TLL2: variants seen among roughly 807,000 people sequenced by gnomAD.
TLL2 encodes tolloid like 2, also known as tolloid-like protein 2.
Under a neutral mutation model 123.0 loss-of-function variants are expected in TLL2, and 106 were observed. The ratio of observed to expected loss-of-function variants is 0.86; its 90% CI spans 0.74 to 1.01. The LOEUF is 1.01. TLL2 is among the 50% of genes least tolerant of loss of function. TLL2 has a pLI of 0.00. For synonymous variants in TLL2, 494 were observed against 516.8 expected (o/e 0.96, Z 0.60); for missense variants, 1,332 against 1,336.7 (o/e 1.00, Z 0.06).
Position 96,414,108 on chromosome 10 carries a change from G to T in TLL2, c.924-792C>A, listed in dbSNP as rs138709798. Among the ~76,000 whole-genome samples, 121 of 152,218 alleles carry T rather than the reference G, an allele frequency of 7.9e-4. 1 individual carries two copies. Among genetic ancestry groups the T allele is most frequent in the South Asian group, 5.2e-3 (25 of 4,810 alleles). ...GTGGAAATCAGGTTGCCAGCTGAGC[G>T]CTGGCCCTGTTGTGGGCATGGTTTA... is the stretch of plus-strand genomic sequence containing the variant. On this transcript the variant is annotated intron_variant, in intron 7 of 20. Transcript: ENST00000357947.
At chr10:96,380,744 G>T (rs1226477314) in intron 16 of TLL2, among the ~76,000 whole-genome samples, 1 of 143,620 alleles carries the variant, frequency 7.0e-6, no homozygotes, top group South Asian at 2.2e-4. Context: ...GAGAGGCCAG[G>T]CGTGGTGGCT....
intron 1 of TLL2, among the ~76,000 whole-genome samples, chr10:96,506,267 A>AAAAAAAAAAAAAAG (rs1564921517): frequency 6.2e-4 from 46 of 73,714 alleles, no homozygotes; most frequent in Non-Finnish European, 7.9e-4. Flanking sequence ...AAAAAAAAAG[A>AAAAAAAAAAAAAAG]AAAAAAAAAA....
chr10:96,392,704 G>T (rs1846300453), intron 13 of TLL2, among the ~76,000 whole-genome samples: 1 of 152,156 alleles, frequency 6.6e-6, no homozygotes, highest in Non-Finnish European at 1.5e-5. Context: ...CATGACATGT[G>T]GTAGGCAGAA....
At chr10:96,510,134 C>T (rs906514155) in intron 1 of TLL2, among the ~76,000 whole-genome samples, 5 of 152,190 alleles carry the variant, frequency 3.3e-5, no homozygotes, top group African/African-American at 1.2e-4. Context: ...GAACCTAGGC[C>T]TTCTGACTTG....
At chr10:96,491,002 C>T (rs1295025552) in intron 1 of TLL2, among the ~76,000 whole-genome samples, 2 of 152,154 alleles carry the variant, frequency 1.3e-5, no homozygotes, top group African/African-American at 4.8e-5. Context: ...TCTCTGTGTT[C>T]GACATGGCTG....
At chr10:96,504,293 G>A (rs1458085302) in intron 1 of TLL2, among the ~76,000 whole-genome samples, 3 of 152,180 alleles carry the variant, frequency 2.0e-5, no homozygotes, top group African/African-American at 7.2e-5. Flanking sequence ...GAGATTCATG[G>A]AAGATTTAAG....
intron 6 of TLL2, among the ~76,000 whole-genome samples, chr10:96,422,293 T>C (rs772996937): frequency 1.3e-5 from 2 of 151,968 alleles, no homozygotes; most frequent in Non-Finnish European, 2.9e-5. Context: ...TGGAGTTAGA[T>C]TTCAATGTCC....
chr10:96,404,294 G>T (rs1349297773), intron 10 of TLL2, among the ~76,000 whole-genome samples: 1 of 149,334 alleles, frequency 6.7e-6, no homozygotes, highest in Non-Finnish European at 1.5e-5. Context: ...AAGCTTTCTT[G>T]TTACACCACC....
chr10:96,371,087 C>T (rs868788497), intron 19 of TLL2, among the ~76,000 whole-genome samples: 6 of 152,156 alleles, frequency 3.9e-5, no homozygotes, highest in African/African-American at 7.2e-5. Flanking sequence ...TTTGGGAGGC[C>T]GAGACGGGTG....
In TLL2 at chr10:96,396,011, C is replaced by T. The variant is rs763102758; in HGVS notation, c.1394G>A (p.Gly465Glu). 2 of 1,614,080 alleles carry T rather than the reference C, an allele frequency of 1.2e-6. No individual in the cohort carries two copies. The highest frequency in any genetic ancestry group is 3.3e-5 in the Admixed American group (2 of 60,024). The stretch of plus-strand genomic sequence containing the variant: ...ACCGGCATCTTTGTTCATGTCTCCC[C>T]CGCAGGTAGCTTTAGAAAGAGACAT... The part of the protein sequence containing the change: ...GFFAAYEATC[G>E]GDMNKDAGQI... Residue 465 changes from glycine (G) to glutamate (E), a missense_variant, in exon 12 of 21, where the codon GGG (glycine) becomes GAG (glutamate). Physicochemically the swap from Gly to Glu is moderately conservative, Grantham distance 98. Coordinates refer to ENST00000357947, the MANE Select transcript of TLL2 (RefSeq NM_012465.4).
At chr10:96,412,184 G>A (rs757951821) in intron 8 of TLL2, among the ~76,000 whole-genome samples, 3 of 152,090 alleles carry the variant, frequency 2.0e-5, no homozygotes, top group Admixed American at 2.0e-4. Flanking sequence ...ATAGCTGGAC[G>A]GACATATTTT....
At chr10:96,388,281 A>G (rs1846256494) in intron 13 of TLL2, among the ~76,000 whole-genome samples, 1 of 152,054 alleles carries the variant, frequency 6.6e-6, no homozygotes, top group Non-Finnish European at 1.5e-5. Context: ...CATGCCTGTA[A>G]TCCCAGCTAC....
chr10:96,386,238 G>C lies in TLL2; in HGVS notation c.1853-23C>G. The C allele has an allele frequency of 2.6e-6, 4 of 1,535,252 alleles. No homozygotes were observed. In the South Asian group the frequency reaches 5.1e-5, roughly 20 times the overall value. On this transcript the variant is annotated intron_variant, in intron 14 of 20. Coordinates refer to ENST00000357947, the MANE Select transcript of TLL2 (RefSeq NM_012465.4). ...CCACTGCACGGGGGAAACAGAAACA[G>C]GATTCATTTGGCTTTGGCTCCAGGT...
chr10:96,443,008 G>T (rs1277736438), intron 3 of TLL2, among the ~76,000 whole-genome samples: 1 of 152,184 alleles, frequency 6.6e-6, no homozygotes, highest in Admixed American at 6.5e-5. Flanking sequence ...GCTACTAAGT[G>T]GGTGAGCTGG....
At chr10:96,382,653 G>C (rs1324658257) in intron 16 of TLL2, among the ~76,000 whole-genome samples, 1 of 152,238 alleles carries the variant, frequency 6.6e-6, no homozygotes, top group East Asian at 1.9e-4. Context: ...GACAAAGGAT[G>C]AGTTTGACCC....
chr10:96,448,913 A>T (rs1846927108), intron 2 of TLL2, among the ~76,000 whole-genome samples: 1 of 152,158 alleles, frequency 6.6e-6, no homozygotes, highest in African/African-American at 2.4e-5. Flanking sequence ...ATTCTGAGTG[A>T]ACTAGATGGG....
chr10:96,433,063 A>C (rs1258408116), intron 3 of TLL2, 101 bp from the exon 4 acceptor site: 1 of 1,485,150 alleles, frequency 6.7e-7, no homozygotes, highest in African/African-American at 1.4e-5. Context: ...GGGTGTTAAA[A>C]CATGTTCCAA....
chr10:96,389,628 G>A (rs1846265760), intron 13 of TLL2, among the ~76,000 whole-genome samples: 1 of 152,168 alleles, frequency 6.6e-6, no homozygotes, highest in African/African-American at 2.4e-5. Context: ...CATTGGGAGA[G>A]ACAGATAGAC....
chr10:96,386,593 A>AGGT, intron 14 of TLL2, among the ~76,000 whole-genome samples: 1 of 152,356 alleles, frequency 6.6e-6, no homozygotes, highest in South Asian at 2.1e-4. Flanking sequence ...ATGGAACACA[A>AGGT]GCCAGGTAGA....
Sources: allele counts gnomAD v4.1 joint callset (sites outside exome capture counted in the v4.1 genomes callset), GRCh38; gene constraint gnomAD v4.1.1; transcripts MANE v1.5; gene names NCBI Gene and HGNC (gene_info 2026-07-23, HGNC 2026-07-21).